MYO9A: variants seen among roughly 807,000 people sequenced by gnomAD.
MYO9A encodes the protein unconventional myosin-IXa.
In MYO9A, 103 loss-of-function variants were observed where a neutral mutation model predicts 293.3. The observed-to-expected ratio is 0.35, with a 90% CI of 0.30 to 0.41. The LOEUF (loss-of-function observed/expected upper bound fraction) is 0.41, where lower values mean the gene tolerates loss of function less well. MYO9A is among the 10% of genes least tolerant of loss of function. The probability of loss-of-function intolerance (pLI) is 1.00; values close to 1 mark genes in which losing one functional copy is unlikely to be tolerated. For synonymous variants in MYO9A, 1,001 were observed against 1,035.7 expected (o/e 0.97, Z 0.64); for missense variants, 2,685 against 3,033.0 (o/e 0.89, Z 2.69).
intron 26 of MYO9A, chr15:71,892,268 A>G (rs1297501123): frequency 6.6e-6 from 1 of 152,250 alleles, no homozygotes; most frequent in Non-Finnish European, 1.5e-5. Context: ...GATTAATACA[A>G]ATTCACATTA....
chr15:71,967,178 T>A (rs1053192477), intron 13 of MYO9A, among the ~76,000 whole-genome samples: 3 of 152,218 alleles, frequency 2.0e-5, no homozygotes, highest in African/African-American at 7.2e-5. Flanking sequence ...AACTTATTTA[T>A]AACACATAGC....
At chr15:71,944,666 G>T (rs936803901) in intron 15 of MYO9A, among the ~76,000 whole-genome samples, 11 of 152,078 alleles carry the variant, frequency 7.2e-5, no homozygotes, top group Admixed American at 2.0e-4. Flanking sequence ...CTGTGTATGT[G>T]TAGATCTACT....
At chr15:71,875,610 T>C (rs1342463839) in intron 32 of MYO9A, among the ~76,000 whole-genome samples, 181 bp downstream of exon 32, 4 of 152,176 alleles carry the variant, frequency 2.6e-5, no homozygotes, top group African/African-American at 9.6e-5. Flanking sequence ...GAAGCTATCA[T>C]TGATAACAAG....
intron 18 of MYO9A, among the ~76,000 whole-genome samples, chr15:71,932,191 C>T (rs528808209): frequency 9.2e-5 from 14 of 152,292 alleles, no homozygotes; most frequent in Middle Eastern, 3.4e-3. Context: ...CAGTAGGATT[C>T]TCTCTGCACT....
intron 1 of MYO9A, among the ~76,000 whole-genome samples, chr15:72,080,707 C>T (rs2150363845): frequency 6.6e-6 from 1 of 152,124 alleles, no homozygotes; most frequent in Admixed American, 6.5e-5. Context: ...TATTTCATCA[C>T]CCAGGTATTA....
At chr15:71,866,926 G>A (rs191736474) in intron 32 of MYO9A, among the ~76,000 whole-genome samples, 207 of 152,026 alleles carry the variant, frequency 1.4e-3, no homozygotes, top group African/African-American at 4.3e-3. Context: ...GCGTGGTGGC[G>A]CACACCTGTG....
rs2081053941 is a variant in MYO9A, at chr15:72,117,779, C to G, written c.-171G>C. ...GTAGGACCGGAGATGGCAGAAGAGG[C>G]CGAGGCCACCGAGGGTCGGACGGTT... On this transcript the variant is annotated 5_prime_UTR_variant, in exon 1 of 42. Transcript: ENST00000356056. 2.5e-6 allele frequency: 1 copy of G among 398,070 alleles called. No homozygotes were observed. Among genetic ancestry groups the G allele is most frequent in the South Asian group, 1.3e-4 (1 of 7,866 alleles). The allele number at this position is 398,070 out of a possible 1,614,324, so 24.7% of individuals were successfully genotyped here.
intron 18 of MYO9A, among the ~76,000 whole-genome samples, chr15:71,922,039 G>A (rs891426014): frequency 2.6e-5 from 4 of 151,904 alleles, no homozygotes; most frequent in Non-Finnish European, 4.4e-5. Flanking sequence ...GTGCAGTGGC[G>A]CGATCCTGGC....
Position 72,046,626 on chromosome 15 carries a change from G to C in MYO9A, c.-63C>G, listed in dbSNP as rs2078393046. 11 of 1,452,924 alleles carry C rather than the reference G, an allele frequency of 7.6e-6. No individual in the cohort carries two copies. The South Asian group carries it at 1.8e-4, about 24-fold the overall frequency. The allele number at this position is 1,452,924 out of a possible 1,614,324, so 90.0% of individuals were successfully genotyped here. On this transcript the variant is annotated 5_prime_UTR_variant, in exon 2 of 42. Transcript: ENST00000356056. The stretch of plus-strand genomic sequence containing the variant: ...CAAAGTCGTGCAAACCATTTTCTTG[G>C]TAAAATAACTGTAACATAAAAGATG...
intron 10 of MYO9A, among the ~76,000 whole-genome samples, chr15:71,991,918 C>T (rs926360419): frequency 2.0e-5 from 3 of 152,100 alleles, no homozygotes; most frequent in Admixed American, 6.6e-5. Flanking sequence ...ACCATTCTGG[C>T]TAATTTTTTG....
At chr15:71,982,528 A>C (rs1267509961) in intron 11 of MYO9A, among the ~76,000 whole-genome samples, 1 of 152,324 alleles carries the variant, frequency 6.6e-6, no homozygotes, top group South Asian at 2.1e-4. Context: ...CTGTTGATGC[A>C]GTGTTCTATG....
At chr15:72,057,039 G>A (rs1318385471) in intron 1 of MYO9A, among the ~76,000 whole-genome samples, 3 of 152,056 alleles carry the variant, frequency 2.0e-5, no homozygotes, top group Non-Finnish European at 4.4e-5. Flanking sequence ...CCTGGGAGGC[G>A]GAGGTTGCAG....
At chr15:71,848,677 A>G (rs2055497753) in intron 39 of MYO9A, among the ~76,000 whole-genome samples, 168 bp downstream of exon 39, 1 of 152,226 alleles carries the variant, frequency 6.6e-6, no homozygotes, top group Non-Finnish European at 1.5e-5. Flanking sequence ...AACTAAAGAG[A>G]GCCAGCAGAT....
intron 4 of MYO9A, 126 bp downstream of exon 4, chr15:72,027,605 G>C: frequency 1.5e-6 from 1 of 684,360 alleles, no homozygotes; most frequent in African/African-American, 1.8e-5. Flanking sequence ...GACAGAAATA[G>C]CAATTATGCA....
At chr15:72,064,665 A>C (rs2078968821) in intron 1 of MYO9A, among the ~76,000 whole-genome samples, 1 of 152,220 alleles carries the variant, frequency 6.6e-6, no homozygotes, top group Non-Finnish European at 1.5e-5. Flanking sequence ...TTTTAAAAAG[A>C]TACCGCCACA....
Position 71,893,728 on chromosome 15 carries a change from T to C in MYO9A, c.5093A>G (p.Asp1698Gly), listed in dbSNP as rs150726107. The change falls in exon 26 of 42, where the codon GAT (aspartate) becomes GGT (glycine). Residue 1698 changes from aspartate (D) to glycine (G), a missense_variant. Coordinates refer to ENST00000356056, the MANE Select transcript of MYO9A (RefSeq NM_006901.4). ...NSKNPQLHKEDEPAWKPVKLA... is the reference protein window; with the variant it reads ...NSKNPQLHKEGEPAWKPVKLA... ...CTTCACAGGTTTCCATGCTGGTTCA[T>C]CTTCTTTATGGAGTTGAGGATTTTT... The C allele has an allele frequency of 4.3e-4, 690 of 1,614,054 alleles. 6 individuals carry two copies. The Middle Eastern group carries it at 6.3e-3, about 15-fold the overall frequency.
At chr15:71,952,922 A>T (rs907821510) in intron 14 of MYO9A, among the ~76,000 whole-genome samples, 1 of 152,194 alleles carries the variant, frequency 6.6e-6, no homozygotes, top group East Asian at 1.9e-4. Context: ...GGCATATTTT[A>T]GTCTCATTCT....
At chr15:71,910,168 G>GTATGTATATA (rs1555478414) in intron 19 of MYO9A, among the ~76,000 whole-genome samples, 1 of 128,330 alleles carries the variant, frequency 7.8e-6, no homozygotes, top group Admixed American at 8.6e-5. Flanking sequence ...ATATATACGT[G>GTATGTATATA]TATATATATA....
chr15:72,018,712 GA>G (rs961953841), intron 6 of MYO9A, among the ~76,000 whole-genome samples: 4 of 151,690 alleles, frequency 2.6e-5, no homozygotes, highest in Non-Finnish European at 4.4e-5. Flanking sequence ...AATAAAAGGG[GA>G]AAAAAACCAT....
Sources: allele counts gnomAD v4.1 joint callset (sites outside exome capture counted in the v4.1 genomes callset), GRCh38; gene constraint gnomAD v4.1.1; transcripts MANE v1.5; gene names NCBI Gene and HGNC (gene_info 2026-07-23, HGNC 2026-07-21).